Variants in CNTN6 observed in about 807,000 individuals in gnomAD.
CNTN6 encodes the protein contactin-6.
CNTN6 carries 137 observed loss-of-function variants against 122.8 expected under a neutral mutation model. The ratio of observed to expected loss-of-function variants is 1.12; its 90% CI spans 0.97 to 1.29. The LOEUF (loss-of-function observed/expected upper bound fraction) is 1.29, where lower values mean the gene tolerates loss of function less well. CNTN6 is among the 50% of genes most tolerant of loss of function. The pLI, the probability that CNTN6 is intolerant of heterozygous loss-of-function variation, is 0.00. For synonymous variants in CNTN6, 570 were observed against 426.0 expected, an observed-to-expected ratio of 1.34 and a Z score of -4.16; for missense variants, 1,634 against 1,223.4, an observed-to-expected ratio of 1.34 and a Z score of -5.01.
rs2094550364 is a variant in CNTN6 at position 1,245,230 on chromosome 3, ATATATACACAC to A, written c.358+17238_358+17248del. 1.3e-4 allele frequency among the ~76,000 whole-genome samples: 2 copies of A among 15,220 alleles called. 1 individual carries two copies. The highest frequency in any genetic ancestry group is 7.5e-4 in the African/African-American group (2 of 2,660). The allele number at this position is 15,220 out of a possible 152,430, so 10.0% of individuals were successfully genotyped here. A position where few individuals can be genotyped will look rare whatever the true frequency, so the allele number is the denominator to read the frequency against. On this transcript the variant is annotated intron_variant, in intron 4 of 22. Coordinates refer to ENST00000446702, the MANE Select transcript of CNTN6 (RefSeq NM_001289080.2). The stretch of plus-strand genomic sequence containing the variant: ...TATATATATATATATATATATATAT[ATATATACACAC>A]ACACATATATATATAACATATATAT...
chr3:1,101,719 T>G (rs1459530462), intron 1 of CNTN6, among the ~76,000 whole-genome samples: 1 of 152,228 alleles, frequency 6.6e-6, no homozygotes, highest in Non-Finnish European at 1.5e-5. Context: ...CAAACATTAC[T>G]GTAACAAATT....
intron 11 of CNTN6, among the ~76,000 whole-genome samples, chr3:1,332,442 T>C (rs1340597412): frequency 6.8e-6 from 1 of 147,470 alleles, no homozygotes. Context: ...TCCAAACAGA[T>C]TGAGGTAAAA....
chr3:1,383,383 A>G lies in CNTN6; in HGVS notation c.2492A>G (p.Asn831Ser), dbSNP rs769452690. Residue 831 changes from asparagine to serine, a missense_variant, in exon 19 of 23, where the codon AAC becomes AGC. Physicochemically the swap from Asn to Ser is conservative, Grantham distance 46. Coordinates refer to ENST00000446702, the MANE Select transcript of CNTN6 (RefSeq NM_001289080.2). Reference protein sequence around the residue: ...VSWNAIAWNRNTGRVLGYEVL... With the variant: ...VSWNAIAWNRSTGRVLGYEVL... ...TGGAATGCTATTGCCTGGAATAGAA[A>G]CACTGGAAGAGTGCTGGGCTATGAG... 3 of 1,613,676 alleles carry G rather than the reference A, an allele frequency of 1.9e-6. No individual in the cohort carries two copies. Among genetic ancestry groups the G allele is most frequent in the Non-Finnish European group, 2.5e-6 (3 of 1,179,734 alleles).
intron 2 of CNTN6, among the ~76,000 whole-genome samples, chr3:1,220,015 A>C (rs2094185366): frequency 6.6e-6 from 1 of 152,070 alleles, no homozygotes; most frequent in Middle Eastern, 3.4e-3. Context: ...AAATAAAAAG[A>C]AAATAAAAAA....
chr3:1,372,881 A>G lies in CNTN6; in HGVS notation c.1712A>G (p.His571Arg). The change falls in exon 14 of 23, where the codon CAT becomes CGT. Residue 571 changes from histidine to arginine, a missense_variant. Physicochemically the swap from His to Arg is conservative, Grantham distance 29. Coordinates refer to ENST00000446702, the MANE Select transcript of CNTN6 (RefSeq NM_001289080.2). ...ATGATAAGGAATATTCAGTTACATC[A>G]TTCAGGAAAATATCTCTGCACAGTA... ...DLMIRNIQLH[H>R]SGKYLCTVQT... is the part of the protein sequence containing the mutation. The G allele has an allele frequency of 6.2e-7, 1 of 1,610,500 alleles. No individual in the cohort carries two copies. Among genetic ancestry groups the G allele is most frequent in the Non-Finnish European group, 8.5e-7 (1 of 1,177,800 alleles).
intron 11 of CNTN6, among the ~76,000 whole-genome samples, chr3:1,336,420 T>C (rs1703075703): frequency 6.6e-6 from 1 of 152,144 alleles, no homozygotes; most frequent in South Asian, 2.1e-4. Flanking sequence ...AAGGCATTTT[T>C]AAATTTACAG....
At chr3:1,321,537 C>G (rs1164655963) in intron 7 of CNTN6, 113 bp from the exon 8 acceptor site, 4 of 952,058 alleles carry the variant, frequency 4.2e-6, no homozygotes, top group Non-Finnish European at 6.3e-6. Context: ...AGTCATAATA[C>G]AACAGATTGA....
intron 1 of CNTN6, among the ~76,000 whole-genome samples, chr3:1,130,889 G>A: frequency 6.6e-6 from 1 of 152,102 alleles, no homozygotes; most frequent in Non-Finnish European, 1.5e-5. Flanking sequence ...AGTGTTGCAA[G>A]AAGTCCATCA....
At position 1,153,971 on chromosome 3, in the gene CNTN6, C is replaced by CA. The variant is rs569903560; in HGVS notation, c.55+5909dup. On this transcript the variant is annotated intron_variant, in intron 2 of 22. Coordinates refer to ENST00000446702, the MANE Select transcript of CNTN6 (RefSeq NM_001289080.2). Reference sequence around the variant, plus strand: ...CGGTCTTGTTTGGATTTATTGTTAGCATAATAGCACCTTTAAGAATGGAAC... The same window carrying CA: ...CGGTCTTGTTTGGATTTATTGTTAGCAATAATAGCACCTTTAAGAATGGAAC... 2.1e-4 allele frequency among the ~76,000 whole-genome samples: 32 copies of CA among 152,238 alleles called. No homozygotes were observed. In the South Asian group the frequency reaches 6.6e-3, roughly 32 times the overall value.
intron 4 of CNTN6, among the ~76,000 whole-genome samples, chr3:1,247,732 A>G (rs2094602260): frequency 6.6e-6 from 1 of 152,176 alleles, no homozygotes. Flanking sequence ...GATTCCGTGG[A>G]TTATAGTCCC....
rs10510208 is a variant in CNTN6, at chr3:1,359,832, T to A, written c.1492+7381T>A. On this transcript the variant is annotated intron_variant, in intron 12 of 22. Coordinates refer to ENST00000446702, the MANE Select transcript of CNTN6 (RefSeq NM_001289080.2). ...CCTTGTTCGTTTGCCTGCTTTTCTC[T>A]GTCCAAGGTTTATTTCAGAGTATTA... Among the ~76,000 whole-genome samples, 5 of 152,114 alleles carry A rather than the reference T, an allele frequency of 3.3e-5. No homozygotes were observed. In the South Asian group the frequency reaches 1.0e-3, roughly 31 times the overall value.
At chr3:1,353,540 G>A (rs1364532417) in intron 12 of CNTN6, among the ~76,000 whole-genome samples, 4 of 151,532 alleles carry the variant, frequency 2.6e-5, no homozygotes, top group Non-Finnish European at 4.4e-5. Context: ...TCTTCCTTAA[G>A]ATTGTATTGT....
At chr3:1,310,431 T>C (rs1413682221) in intron 7 of CNTN6, among the ~76,000 whole-genome samples, 6 of 152,162 alleles carry the variant, frequency 3.9e-5, no homozygotes, top group Admixed American at 3.3e-4. Context: ...TTTTCTAATA[T>C]TGAACCATCA....
At chr3:1,387,893 C>A (rs1461593660) in intron 20 of CNTN6, among the ~76,000 whole-genome samples, 6 of 152,192 alleles carry the variant, frequency 3.9e-5, no homozygotes, top group Non-Finnish European at 8.8e-5. Context: ...ATATCCTGCA[C>A]CCGGCTCGGA....
chr3:1,379,494 A>G (rs963791771), intron 17 of CNTN6, among the ~76,000 whole-genome samples: 12 of 152,236 alleles, frequency 7.9e-5, no homozygotes, highest in South Asian at 2.1e-4. Flanking sequence ...GGGTGACGGG[A>G]TCCATCATAC....
intron 5 of CNTN6, among the ~76,000 whole-genome samples, chr3:1,285,934 C>T (rs1449091104): frequency 6.6e-6 from 1 of 152,204 alleles, no homozygotes; most frequent in Non-Finnish European, 1.5e-5. Context: ...AACCAGGAAG[C>T]TCATGGCTCT....
intron 7 of CNTN6, among the ~76,000 whole-genome samples, chr3:1,315,842 A>G (rs781636869): frequency 2.0e-5 from 3 of 151,934 alleles, no homozygotes; most frequent in Non-Finnish European, 4.4e-5. Context: ...AGGACATTAA[A>G]TGGTGAGATG....
At position 1,273,753 on chromosome 3, in the gene CNTN6, T is replaced by G. The variant is rs912429187; in HGVS notation, c.359-4660T>G. On this transcript the variant is annotated intron_variant, in intron 4 of 22. Coordinates refer to ENST00000446702, the MANE Select transcript of CNTN6 (RefSeq NM_001289080.2). ...TGACTTTTGAGAGGCGTTGATTTCC[T>G]TTCATGTCAGCTAATAGAAATCCCA... Among the ~76,000 whole-genome samples, 7 of 152,212 alleles carry G rather than the reference T, an allele frequency of 4.6e-5. 1 individual carries two copies. The highest frequency in any genetic ancestry group is 4.6e-4 in the Admixed American group (7 of 15,282).
At chr3:1,296,974 T>A (rs1696341402) in intron 6 of CNTN6, among the ~76,000 whole-genome samples, 1 of 151,778 alleles carries the variant, frequency 6.6e-6, no homozygotes, top group African/African-American at 2.4e-5. Context: ...GTATTATATA[T>A]AATATAAAAA....
Sources: allele counts gnomAD v4.1 joint callset (sites outside exome capture counted in the v4.1 genomes callset), GRCh38; gene constraint gnomAD v4.1.1; transcripts MANE v1.5; gene names NCBI Gene and HGNC (gene_info 2026-07-23, HGNC 2026-07-21).